The following ADGRG1 variants were observed in gnomAD, a reference collection of about 807,000 sequenced individuals.
ADGRG1 encodes 7-transmembrane protein with no EGF-like N-terminal domains-1.
Under a neutral mutation model 73.5 loss-of-function variants are expected in ADGRG1, and 53 were observed. The observed-to-expected ratio is 0.72, with a 90% CI of 0.58 to 0.91. The LOEUF (loss-of-function observed/expected upper bound fraction) is 0.91. Among genes scored for constraint, ADGRG1 ranks in the 40% least tolerant of loss-of-function variants. The pLI is 0.00. For synonymous variants in ADGRG1, 394 were observed against 374.4 expected, an observed-to-expected ratio of 1.05 and a Z score of -0.60; for missense variants, 795 against 871.8, an observed-to-expected ratio of 0.91 and a Z score of 1.11.
intron 4 of ADGRG1, chr16:57,653,738 C>A (rs2044734562): frequency 2.2e-6 from 2 of 896,418 alleles, no homozygotes; most frequent in African/African-American, 3.6e-5. Flanking sequence ...TTTCCCTTGG[C>A]TCCCAGGTCC....
At chr16:57,639,873 TG>T in intron 1 of ADGRG1, 1 of 973,536 alleles carries the variant, frequency 1.0e-6, no homozygotes, top group Non-Finnish European at 1.2e-6. Flanking sequence ...AGCCAGTGGG[TG>T]GGGGTGTGGT....
At chr16:57,652,966 AC>A in intron 3 of ADGRG1, 1 of 1,400,118 alleles carries the variant, frequency 7.1e-7, no homozygotes, top group East Asian at 2.7e-5. Flanking sequence ...GGCACATCCC[AC>A]CCCATCCCGC....
At chr16:57,630,540 CG>C (rs1188257456) in intron 1 of ADGRG1, 7 of 985,212 alleles carry the variant, frequency 7.1e-6, no homozygotes, top group Non-Finnish European at 7.2e-6. Flanking sequence ...CCGAGAGTGT[CG>C]GGTGATGGAG....
chr16:57,661,378 A>G, intron 12 of ADGRG1: 1 of 985,212 alleles, frequency 1.0e-6, no homozygotes, highest in Non-Finnish European at 1.2e-6. Context: ...ACCGGAAGCC[A>G]GGGTTCCTGA....
upstream of ADGRG1, chr16:57,626,802 C>G (rs1262503219): frequency 1.1e-5 from 11 of 983,484 alleles, no homozygotes; most frequent in African/African-American, 1.7e-5. Context: ...ACCAGTTGAT[C>G]AGGCCCTGAA....
chr16:57,655,825 C>A, intron 6 of ADGRG1, 51 bp from the exon 7 acceptor site: 1 of 1,613,928 alleles, frequency 6.2e-7, no homozygotes, highest in South Asian at 1.1e-5. Context: ...GGCCCTTCTT[C>A]TCAGTCCTGA....
In ADGRG1 at chr16:57,657,485, G is replaced by C. The variant is rs772661513; in HGVS notation, c.1280G>C (p.Cys427Ser). Reference sequence around the variant, plus strand: ...CTTGTCACCATTGCCGCCTACCTCTGCTCCAGGTGAGGCCTGAAAGGGGTG... The same window carrying C: ...CTTGTCACCATTGCCGCCTACCTCTCCTCCAGGTGAGGCCTGAAAGGGGTG... The part of the protein sequence containing the change: ...ACLVTIAAYL[C>S]SRRKPRDYTI... The change falls in exon 10 of 14, where the codon TGC (cysteine) becomes TCC (serine). Residue 427 changes from cysteine (C) to serine (S), a missense_variant. By Grantham distance (112) the Cys-to-Ser change is moderately radical. Transcript: ENST00000562631. 1 of 1,611,506 alleles carries C rather than the reference G, an allele frequency of 6.2e-7. No homozygotes were observed. The highest frequency in any genetic ancestry group is 2.2e-5 in the East Asian group (1 of 44,868).
At chr16:57,659,310 G>T in intron 10 of ADGRG1, 103 bp from the exon 11 acceptor site, 40 of 1,595,512 alleles carry the variant, frequency 2.5e-5, no homozygotes, top group Non-Finnish European at 3.4e-5. Context: ...GCATGTGTGT[G>T]TCGGGGTGGG....
intron 3 of ADGRG1, 101 bp from the exon 4 acceptor site, chr16:57,653,102 C>G (rs556052388): frequency 1.9e-6 from 3 of 1,590,770 alleles, no homozygotes; most frequent in Admixed American, 1.7e-5. Flanking sequence ...AAGTAAAGAT[C>G]GAGGCATTCA....
chr16:57,659,175 G>A, intron 10 of ADGRG1: 15 of 985,436 alleles, frequency 1.5e-5, no homozygotes, highest in Non-Finnish European at 1.8e-5. Context: ...GCCTGGCTGA[G>A]GCTTCTGTTA....
chr16:57,655,840 C>T (rs1176432144), intron 6 of ADGRG1, 36 bp from the exon 7 acceptor site: 16 of 1,613,886 alleles, frequency 9.9e-6, no homozygotes, highest in African/African-American at 1.3e-5. Flanking sequence ...TCCTGAACTC[C>T]CTCCCTACTC....
At chr16:57,630,622 C>T (rs2037570994) in intron 1 of ADGRG1, 30 of 662,020 alleles carry the variant, frequency 4.5e-5, no homozygotes, top group Non-Finnish European at 5.4e-5. Flanking sequence ...AAGGGCCAGT[C>T]AGCCTGGTGT....
At position 57,655,665 on chromosome 16, in the gene ADGRG1, A is replaced by G. The variant is rs570024357; in HGVS notation, c.900+135A>G. On this transcript the variant is annotated intron_variant, in intron 6 of 13. Coordinates refer to ENST00000562631, the MANE Select transcript of ADGRG1 (RefSeq NM_201525.4). ...TTGTAAAGTTACAAATTGCACTGCA[A>G]TGTGCAAATCTCCCTGTGAGAGGGC... The G allele has an allele frequency of 3.8e-6, 6 of 1,585,654 alleles. No individual in the cohort carries two copies. In the African/African-American group the frequency reaches 4.0e-5, roughly 11 times the overall value.
At chr16:57,648,795 T>C in intron 1 of ADGRG1, 1 of 779,094 alleles carries the variant, frequency 1.3e-6, no homozygotes, top group Non-Finnish European at 1.6e-6. Flanking sequence ...CAGGGCCGGC[T>C]GGCCATAGGG....
intron 5 of ADGRG1, chr16:57,655,164 C>T (rs1158033583): frequency 1.0e-6 from 1 of 985,422 alleles, no homozygotes. Flanking sequence ...TGTGGTTCTC[C>T]CAGGGCTATT....
At chr16:57,635,594 T>G in intron 1 of ADGRG1, 2 of 985,424 alleles carry the variant, frequency 2.0e-6, no homozygotes, top group Non-Finnish European at 2.4e-6. Context: ...AGGACGGTAG[T>G]GTTTGCAAAC....
chr16:57,644,960 ACT>A lies in ADGRG1; in HGVS notation c.-35-5291_-35-5290del, dbSNP rs376441216. The A allele has an allele frequency of 2.2e-3, 1,150 of 522,876 alleles. 14 individuals are homozygous for A. The African/African-American group carries it at 0.024, about 11-fold the overall frequency. 32.4% of individuals were successfully genotyped at this position (522,876 alleles called of 1,614,324 possible). On this transcript the variant is annotated intron_variant, in intron 1 of 13. Coordinates refer to ENST00000562631, the MANE Select transcript of ADGRG1 (RefSeq NM_201525.4). ...ATGCACGGGCACCCACTGATCACAC[ACT>A]CATGCATGGGCACACACCCCCATGC...
intron 5 of ADGRG1, 146 bp from the exon 6 acceptor site, chr16:57,655,253 G>A: frequency 6.4e-7 from 1 of 1,558,210 alleles, no homozygotes; most frequent in South Asian, 1.2e-5. Flanking sequence ...GAGGAGGGCT[G>A]TCATGAGTCA....
chr16:57,662,566 G>A (rs548847715), intron 13 of ADGRG1, among the ~76,000 whole-genome samples: 48 of 152,264 alleles, frequency 3.2e-4, no homozygotes, highest in African/African-American at 1.0e-3. Context: ...CACATGATAG[G>A]ATCAGGAGCC....
Sources: gnomAD v4.1 joint callset for allele counts (sites outside exome capture counted in the v4.1 genomes callset) on GRCh38, gnomAD v4.1.1 for gene constraint, MANE v1.5 for transcripts, NCBI Gene and HGNC (gene_info 2026-07-23, HGNC 2026-07-21) for gene names.